CDH18: variants seen among roughly 807,000 people sequenced by gnomAD.
CDH18 encodes the protein cadherin 18.
In CDH18, 31 loss-of-function variants were observed where a neutral mutation model predicts 67.9. The ratio of observed to expected loss-of-function variants is 0.46; its 90% CI spans 0.34 to 0.62. CDH18 has a LOEUF of 0.62. Among genes scored for constraint, CDH18 ranks in the 20% least tolerant of loss-of-function variants. The probability of loss-of-function intolerance (pLI) is 0.01; values close to 1 mark genes in which losing one functional copy is unlikely to be tolerated. For missense variants in CDH18, 890 were observed against 975.5 expected (o/e 0.91, Z 1.17); for synonymous variants, 362 against 347.2 (o/e 1.04, Z -0.48).
chr5:20,000,691 G>A (rs569772644), intron 2 of CDH18, among the ~76,000 whole-genome samples: 1 of 152,166 alleles, frequency 6.6e-6, no homozygotes, highest in East Asian at 1.9e-4. Flanking sequence ...TAATAATAAT[G>A]ATATATGCTG....
chr5:19,949,411 A>G (rs1795578507), intron 2 of CDH18, among the ~76,000 whole-genome samples: 1 of 152,118 alleles, frequency 6.6e-6, no homozygotes, highest in South Asian at 2.1e-4. Context: ...CTCCTATTTT[A>G]AAAAGCTTAA....
intron 4 of CDH18, among the ~76,000 whole-genome samples, chr5:19,732,738 C>A (rs555172295): frequency 9.3e-4 from 142 of 152,110 alleles, no homozygotes; most frequent in Non-Finnish European, 1.4e-3. Flanking sequence ...GCTTGGGACA[C>A]AATATTGTTT....
At chr5:20,102,717 C>T (rs1231917752) in intron 2 of CDH18, among the ~76,000 whole-genome samples, 1 of 151,722 alleles carries the variant, frequency 6.6e-6, no homozygotes, top group African/African-American at 2.4e-5. Flanking sequence ...ACTGATAAAG[C>T]CAAAACAAAA....
rs922583511 is a variant in CDH18 at position 20,532,461 on chromosome 5, T to G, written c.-580+43001A>C. ...TTTTTGTACTATCTTGCTCTCTAAC[T>G]CTAGTGTTTTCCTATATTATACTAT... On this transcript the variant is annotated intron_variant, in intron 1 of 14. Transcript: ENST00000507958. Among the ~76,000 whole-genome samples, 42 of 152,080 alleles carry G rather than the reference T, an allele frequency of 2.8e-4. 1 individual carries two copies. Among genetic ancestry groups the G allele is most frequent in the Admixed American group, 2.2e-3 (34 of 15,242 alleles).
rs145498598 is a variant in CDH18, at chr5:20,514,342, C to T, written c.-580+61120G>A. ...TTACATGGCAAGTGAGTCATAGAAC[C>T]AAGGGATCATCTTAGAAGAAGCCGC... On this transcript the variant is annotated intron_variant, in intron 1 of 14. Coordinates refer to the CDH18 transcript ENST00000507958. Among the ~76,000 whole-genome samples the T allele has an allele frequency of 8.2e-3, 1,247 of 152,160 alleles. 11 individuals are homozygous for T. The highest frequency in any genetic ancestry group is 0.012 in the Admixed American group (187 of 15,266).
intron 2 of CDH18, among the ~76,000 whole-genome samples, chr5:20,172,222 A>ACGTATATATATATATACGTATATATATG: frequency 2.5e-5 from 1 of 39,674 alleles, no homozygotes; most frequent in Admixed American, 2.7e-4. Context: ...ATATATATAT[A>ACGTATATATATATATACGTATATATATG]TGTATATATA....
At chr5:20,494,110 A>G (rs1165890479) in intron 1 of CDH18, among the ~76,000 whole-genome samples, 2 of 152,092 alleles carry the variant, frequency 1.3e-5, no homozygotes, top group African/African-American at 4.8e-5. Context: ...GCAAACAAAT[A>G]AAAACAAACA....
intron 2 of CDH18, among the ~76,000 whole-genome samples, chr5:20,073,819 C>T (rs976795826): frequency 3.9e-5 from 6 of 151,946 alleles, no homozygotes; most frequent in Admixed American, 3.9e-4. Context: ...TATAGATAAA[C>T]TCAGTTATTT....
At chr5:20,201,549 T>C (rs972482518) in intron 2 of CDH18, among the ~76,000 whole-genome samples, 2 of 152,120 alleles carry the variant, frequency 1.3e-5, no homozygotes, top group African/African-American at 2.4e-5. Flanking sequence ...TAGTACTTTG[T>C]ACCTGGATAA....
chr5:19,919,839 T>C (rs1792234191), intron 2 of CDH18, among the ~76,000 whole-genome samples: 1 of 152,214 alleles, frequency 6.6e-6, no homozygotes, highest in Non-Finnish European at 1.5e-5. Context: ...GTTGGCTTTC[T>C]GCTTTAGGGT....
chr5:20,538,463 A>T (rs1377778621), intron 1 of CDH18, among the ~76,000 whole-genome samples: 1 of 152,164 alleles, frequency 6.6e-6, no homozygotes, highest in East Asian at 1.9e-4. Flanking sequence ...ATTTGCTATG[A>T]GCATGCATGT....
intron 2 of CDH18, among the ~76,000 whole-genome samples, chr5:19,866,857 C>T (rs906429349): frequency 3.3e-5 from 5 of 151,934 alleles, no homozygotes; most frequent in African/African-American, 4.8e-5. Context: ...TTTGGGAGGC[C>T]GAAGCAGGCG....
intron 5 of CDH18, among the ~76,000 whole-genome samples, chr5:19,688,036 A>G (rs1761355609): frequency 6.6e-6 from 1 of 152,118 alleles, no homozygotes; most frequent in Non-Finnish European, 1.5e-5. Context: ...ACTCTTTCTG[A>G]GGGCCTGAGG....
At chr5:20,472,474 T>A (rs1752158151) in intron 1 of CDH18, among the ~76,000 whole-genome samples, 1 of 152,226 alleles carries the variant, frequency 6.6e-6, no homozygotes, top group African/African-American at 2.4e-5. Flanking sequence ...GAAGTTCGCA[T>A]GTGTGAAACA....
At chr5:19,567,117 A>G (rs1308229602) in intron 8 of CDH18, among the ~76,000 whole-genome samples, 1 of 152,070 alleles carries the variant, frequency 6.6e-6, no homozygotes, top group Non-Finnish European at 1.5e-5. Context: ...ATTGGGGATG[A>G]TTACTGGGTA....
rs1006389007 is a variant in CDH18, at chr5:20,168,033, G to A, written c.-518+87411C>T. Among the ~76,000 whole-genome samples the A allele has an allele frequency of 1.2e-4, 18 of 152,274 alleles. 1 individual carries two copies. In the East Asian group the frequency reaches 3.5e-3, roughly 29 times the overall value. On this transcript the variant is annotated intron_variant, in intron 2 of 14. Coordinates refer to the CDH18 transcript ENST00000507958. ...TATATTTTGAATGGATGACTAAATG[G>A]CTGAATAATAAATTACCTTTAGTGA...
chr5:19,521,228 C>A (rs530546092), intron 9 of CDH18, among the ~76,000 whole-genome samples: 1 of 152,076 alleles, frequency 6.6e-6, no homozygotes, highest in African/African-American at 2.4e-5. Flanking sequence ...CACAAAGAAT[C>A]ATTTTCTTAT....
chr5:20,246,089 T>C (rs911207871), intron 2 of CDH18, among the ~76,000 whole-genome samples: 1 of 152,186 alleles, frequency 6.6e-6, no homozygotes, highest in Non-Finnish European at 1.5e-5. Flanking sequence ...TACAGATTCA[T>C]AAGGTGTTGC....
intron 2 of CDH18, among the ~76,000 whole-genome samples, chr5:20,067,961 A>G (rs1743126978): frequency 1.3e-5 from 2 of 152,036 alleles, no homozygotes; most frequent in African/African-American, 4.8e-5. Flanking sequence ...CTAGGGCTAT[A>G]TTGTGACCTA....
Sources: allele counts gnomAD v4.1 joint callset (sites outside exome capture counted in the v4.1 genomes callset), GRCh38; gene constraint gnomAD v4.1.1; transcripts MANE v1.5; gene names NCBI Gene and HGNC (gene_info 2026-07-23, HGNC 2026-07-21).